The following KDM3B variants were observed in gnomAD, a reference collection of about 807,000 sequenced individuals.
KDM3B encodes the protein lysine-specific demethylase 3B.
A neutral mutation model predicts 170.0 loss-of-function variants in KDM3B; 10 were observed. That is an observed-to-expected ratio of 0.06 (90% CI 0.04 to 0.10). The LOEUF (loss-of-function observed/expected upper bound fraction) is 0.10, where lower values mean the gene tolerates loss of function less well. KDM3B is among the 10% of genes least tolerant of loss of function. KDM3B has a pLI of 1.00. For missense variants in KDM3B, 1,394 were observed against 2,195.2 expected, an observed-to-expected ratio of 0.64 and a Z score of 7.29; for synonymous variants, 831 against 834.8, an observed-to-expected ratio of 1.00 and a Z score of 0.08.
chr5:138,389,882 A>T (rs1230400273), intron 7 of KDM3B, among the ~76,000 whole-genome samples: 1 of 147,574 alleles, frequency 6.8e-6, no homozygotes, highest in Non-Finnish European at 1.5e-5. Flanking sequence ...TGTTTTTGTG[A>T]GGGAATCTTG....
intron 6 of KDM3B, among the ~76,000 whole-genome samples, chr5:138,382,569 A>G (rs1185623732): frequency 6.6e-6 from 1 of 152,206 alleles, no homozygotes; most frequent in Non-Finnish European, 1.5e-5. Flanking sequence ...CACCTCTGTA[A>G]TATTGCTGTC....
intron 1 of KDM3B, among the ~76,000 whole-genome samples, chr5:138,365,479 A>G (rs558341776): frequency 1.3e-5 from 2 of 151,752 alleles, no homozygotes; most frequent in Admixed American, 1.3e-4. Context: ...GCTGGTCTCA[A>G]ACTCCTGACC....
chr5:138,421,959 C>G (rs1403588674), intron 15 of KDM3B, among the ~76,000 whole-genome samples: 1 of 152,174 alleles, frequency 6.6e-6, no homozygotes, highest in Non-Finnish European at 1.5e-5. Context: ...TCTTGCTGTT[C>G]TTTGAACATG....
At chr5:138,426,949 T>C (rs2033228474) in intron 17 of KDM3B, 26 bp from the exon 18 acceptor site, 2 of 1,573,440 alleles carry the variant, frequency 1.3e-6, no homozygotes, top group Non-Finnish European at 1.7e-6. Flanking sequence ...CAGCAGATGT[T>C]TGTGGGAGTA....
chr5:138,415,633 AG>A (rs976449812), intron 12 of KDM3B, among the ~76,000 whole-genome samples: 7 of 150,386 alleles, frequency 4.7e-5, no homozygotes, highest in African/African-American at 1.5e-4. Context: ...TTTTTTTTTC[AG>A]AGACGGAGTC....
chr5:138,401,659 G>A (rs1561780217), intron 11 of KDM3B, among the ~76,000 whole-genome samples: 1 of 152,116 alleles, frequency 6.6e-6, no homozygotes, highest in Non-Finnish European at 1.5e-5. Context: ...GAATTGGCTA[G>A]GGCATATGAC....
intron 11 of KDM3B, among the ~76,000 whole-genome samples, chr5:138,412,815 T>A (rs1333293044): frequency 6.6e-6 from 1 of 152,008 alleles, no homozygotes; most frequent in Admixed American, 6.6e-5. Flanking sequence ...TCTGTTTTGG[T>A]TTGGTTTTGT....
chr5:138,374,907 G>T (rs2126925392), intron 2 of KDM3B, among the ~76,000 whole-genome samples, 186 bp from the exon 3 acceptor site: 1 of 152,272 alleles, frequency 6.6e-6, no homozygotes, highest in South Asian at 2.1e-4. Context: ...GCATTAGTTA[G>T]CTTCCCATGA....
At chr5:138,423,561 T>G (rs988227236) in intron 15 of KDM3B, among the ~76,000 whole-genome samples, 1 of 152,208 alleles carries the variant, frequency 6.6e-6, no homozygotes, top group Non-Finnish European at 1.5e-5. Flanking sequence ...AGGAGACTGC[T>G]TTCAGAATGT....
At chr5:138,404,069 T>A (rs1762757814) in intron 11 of KDM3B, among the ~76,000 whole-genome samples, 1 of 151,736 alleles carries the variant, frequency 6.6e-6, no homozygotes, top group Non-Finnish European at 1.5e-5. Context: ...AGAAGCTATC[T>A]AAAACAAAGC....
At chr5:138,402,222 C>T (rs994310434) in intron 11 of KDM3B, among the ~76,000 whole-genome samples, 1 of 152,164 alleles carries the variant, frequency 6.6e-6, no homozygotes, top group African/African-American at 2.4e-5. Context: ...CTGTGCCCAG[C>T]CATTTGTTTA....
intron 1 of KDM3B, among the ~76,000 whole-genome samples, chr5:138,368,788 C>T (rs1408185560): frequency 6.6e-6 from 1 of 152,130 alleles, no homozygotes; most frequent in African/African-American, 2.4e-5. Flanking sequence ...CACTTTATTC[C>T]ATGTCCTTTG....
chr5:138,377,389 T>C (rs1762024621), intron 3 of KDM3B, among the ~76,000 whole-genome samples: 2 of 152,168 alleles, frequency 1.3e-5, no homozygotes, highest in African/African-American at 4.8e-5. Flanking sequence ...GCATTCTTAA[T>C]TTTTGCAGAA....
At chr5:138,368,721 A>G (rs1444604262) in intron 1 of KDM3B, among the ~76,000 whole-genome samples, 1 of 152,166 alleles carries the variant, frequency 6.6e-6, no homozygotes, top group East Asian at 1.9e-4. Context: ...TCATATTATC[A>G]GATTGGAGCT....
In KDM3B at chr5:138,352,763, CG is replaced by C; in HGVS notation, c.-30del. ...TGGCGGCGGAGGTGGTGGGAGGCGG[CG>C]GGCGGGAGCGCGGGTCAGGCCGGCC... On this transcript the variant is annotated 5_prime_UTR_variant, in exon 1 of 24. Transcript: ENST00000314358. The C allele has an allele frequency of 1.3e-6, 1 of 770,244 alleles. No homozygotes were observed. Among genetic ancestry groups the C allele is most frequent in the Non-Finnish European group, 1.6e-6 (1 of 637,748 alleles). The allele number at this position is 770,244 out of a possible 1,614,324, so 47.7% of individuals were successfully genotyped here. A position where few individuals can be genotyped will look rare whatever the true frequency, so the allele number is the denominator to read the frequency against.
intron 5 of KDM3B, among the ~76,000 whole-genome samples, chr5:138,380,133 G>A (rs988322675): frequency 2.6e-5 from 4 of 152,014 alleles, no homozygotes; most frequent in South Asian, 2.1e-4. Context: ...CACTACAGGC[G>A]TGTGCCACCA....
intron 7 of KDM3B, among the ~76,000 whole-genome samples, 177 bp from the exon 8 acceptor site, chr5:138,390,836 G>T (rs1762408523): frequency 6.6e-6 from 1 of 152,142 alleles, no homozygotes; most frequent in Non-Finnish European, 1.5e-5. Context: ...GTCTGTGGCA[G>T]ATTTCTTCCC....
chr5:138,367,355 G>A (rs1761769995), intron 1 of KDM3B, among the ~76,000 whole-genome samples: 1 of 152,108 alleles, frequency 6.6e-6, no homozygotes, highest in South Asian at 2.1e-4. Context: ...ATTAATTATA[G>A]TAAGAATGGC....
intron 20 of KDM3B, among the ~76,000 whole-genome samples, chr5:138,429,499 G>A (rs919824528): frequency 1.3e-5 from 2 of 152,208 alleles, no homozygotes; most frequent in South Asian, 2.1e-4. Context: ...GTTTGAAGGG[G>A]TCTTGAGAAA....
Sources: gnomAD v4.1 joint callset for allele counts (sites outside exome capture counted in the v4.1 genomes callset) on GRCh38, gnomAD v4.1.1 for gene constraint, MANE v1.5 for transcripts, NCBI Gene and HGNC (gene_info 2026-07-23, HGNC 2026-07-21) for gene names.